The following SETBP1 variants were observed in gnomAD, a reference collection of about 807,000 sequenced individuals.
SETBP1 encodes SET-binding protein.
A neutral mutation model predicts 101.0 loss-of-function variants in SETBP1; 9 were observed. That is an observed-to-expected ratio of 0.09 (90% CI 0.05 to 0.16). The LOEUF is 0.16. Among genes scored for constraint, SETBP1 ranks in the 10% least tolerant of loss-of-function variants. SETBP1 has a pLI of 1.00. For missense variants in SETBP1, 1,858 were observed against 2,033.8 expected, an observed-to-expected ratio of 0.91 and a Z score of 1.66; for synonymous variants, 818 against 788.5, an observed-to-expected ratio of 1.04 and a Z score of -0.63.
intron 2 of SETBP1, among the ~76,000 whole-genome samples, chr18:44,837,920 C>T (rs1019939122): frequency 3.3e-5 from 5 of 152,194 alleles, no homozygotes; most frequent in African/African-American, 1.2e-4. Context: ...TCTAGTCACA[C>T]TAGAGGAATT....
At chr18:45,006,347 G>C (rs916194814) in intron 4 of SETBP1, among the ~76,000 whole-genome samples, 3 of 152,088 alleles carry the variant, frequency 2.0e-5, no homozygotes, top group Non-Finnish European at 4.4e-5. Context: ...ATTGTTCCTT[G>C]TAGGTTCGTT....
intron 3 of SETBP1, among the ~76,000 whole-genome samples, chr18:44,935,205 T>C (rs2070932433): frequency 6.6e-6 from 1 of 152,186 alleles, no homozygotes; most frequent in South Asian, 2.1e-4. Context: ...ACAGTGTTCA[T>C]GGGAAGCTTA....
intron 1 of SETBP1, among the ~76,000 whole-genome samples, chr18:44,683,894 A>G (rs2068796486): frequency 6.6e-6 from 1 of 152,224 alleles, no homozygotes; most frequent in South Asian, 2.1e-4. Context: ...TGCCAGAAGA[A>G]TGGGGCAAAT....
intron 2 of SETBP1, among the ~76,000 whole-genome samples, chr18:44,726,596 A>G (rs1183163121): frequency 6.6e-6 from 1 of 152,226 alleles, no homozygotes; most frequent in African/African-American, 2.4e-5. Flanking sequence ...ACACAAAGCT[A>G]TATAGGACCG....
chr18:44,783,510 C>G (rs533821392), intron 2 of SETBP1, among the ~76,000 whole-genome samples: 1 of 152,296 alleles, frequency 6.6e-6, no homozygotes, highest in South Asian at 2.1e-4. Flanking sequence ...TAGAAAGATA[C>G]CCCAAGCCTT....
At chr18:44,779,369 G>T (rs1173959443) in intron 2 of SETBP1, among the ~76,000 whole-genome samples, 3 of 152,242 alleles carry the variant, frequency 2.0e-5, no homozygotes, top group Non-Finnish European at 4.4e-5. Context: ...CTCTGATAGA[G>T]CATAGTACTC....
intron 2 of SETBP1, among the ~76,000 whole-genome samples, chr18:44,835,783 G>A (rs560346876): frequency 1.3e-5 from 2 of 152,186 alleles, no homozygotes; most frequent in Non-Finnish European, 2.9e-5. Context: ...TGTCCACTTG[G>A]CAACCTGTTC....
intron 1 of SETBP1, among the ~76,000 whole-genome samples, chr18:44,682,250 C>A (rs868467340): frequency 6.6e-6 from 1 of 152,096 alleles, no homozygotes; most frequent in African/African-American, 2.4e-5. Flanking sequence ...ATGTGTGTGT[C>A]GTGGGAGAAA....
At chr18:45,035,824 A>T (rs372660703) in intron 4 of SETBP1, among the ~76,000 whole-genome samples, 6 of 152,206 alleles carry the variant, frequency 3.9e-5, no homozygotes, top group African/African-American at 1.4e-4. Flanking sequence ...TGGGAATGCC[A>T]TGGTGGTGCA....
At chr18:44,835,011 GGAGGGA>G (rs941450668) in intron 2 of SETBP1, among the ~76,000 whole-genome samples, 41 of 152,338 alleles carry the variant, frequency 2.7e-4, no homozygotes, top group African/African-American at 9.1e-4. Flanking sequence ...ACTAGGCTGG[GGAGGGA>G]GATCTTTATC....
intron 4 of SETBP1, among the ~76,000 whole-genome samples, chr18:44,982,482 T>C (rs902122349): frequency 3.3e-5 from 5 of 152,238 alleles, no homozygotes; most frequent in Non-Finnish European, 7.3e-5. Context: ...CTTGCATTTT[T>C]TTCCCTCCTC....
intron 2 of SETBP1, among the ~76,000 whole-genome samples, chr18:44,844,327 C>CCA (rs1212422480): frequency 1.7e-5 from 2 of 119,782 alleles, no homozygotes; most frequent in Non-Finnish European, 3.5e-5. Context: ...CTGCCCCACC[C>CCA]CACACACACA....
chr18:45,015,548 A>G (rs932724981), intron 4 of SETBP1, among the ~76,000 whole-genome samples: 3 of 151,964 alleles, frequency 2.0e-5, no homozygotes, highest in Admixed American at 6.5e-5. Flanking sequence ...CCAAACATCC[A>G]CTCATGCCCC....
intron 2 of SETBP1, among the ~76,000 whole-genome samples, chr18:44,746,540 G>A (rs1317113521): frequency 1.3e-5 from 2 of 152,158 alleles, no homozygotes; most frequent in Admixed American, 6.5e-5. Flanking sequence ...TCACACAGGG[G>A]TTATCAAATG....
intron 4 of SETBP1, among the ~76,000 whole-genome samples, chr18:44,967,295 A>G (rs145434938): frequency 1.8e-4 from 28 of 152,342 alleles, no homozygotes; most frequent in African/African-American, 6.3e-4. Context: ...TGGAAAGGGC[A>G]GTCATCACCA....
chr18:44,963,081 G>A (rs1567995630), intron 4 of SETBP1, among the ~76,000 whole-genome samples: 1 of 152,126 alleles, frequency 6.6e-6, no homozygotes, highest in Non-Finnish European at 1.5e-5. Context: ...ACGTGACCAA[G>A]CCATTTTTTG....
chr18:44,848,348 T>A (rs995493436), intron 2 of SETBP1, among the ~76,000 whole-genome samples: 1 of 152,074 alleles, frequency 6.6e-6, no homozygotes, highest in African/African-American at 2.4e-5. Flanking sequence ...GGGGGCGAAA[T>A]GAGCAGATTA....
At chr18:44,834,067 G>T (rs1006976252) in intron 2 of SETBP1, among the ~76,000 whole-genome samples, 1 of 152,208 alleles carries the variant, frequency 6.6e-6, no homozygotes, top group Non-Finnish European at 1.5e-5. Context: ...TCAAAAATAA[G>T]AACATAGGAC....
intron 4 of SETBP1, chr18:44,987,904 A>G (rs950280084): frequency 1.3e-5 from 2 of 152,194 alleles, no homozygotes; most frequent in Non-Finnish European, 2.9e-5. Flanking sequence ...AGATACAGCT[A>G]TATATACTGT....
Sources: allele counts gnomAD v4.1 joint callset (sites outside exome capture counted in the v4.1 genomes callset), GRCh38; gene constraint gnomAD v4.1.1; transcripts MANE v1.5; gene names NCBI Gene and HGNC (gene_info 2026-07-23, HGNC 2026-07-21).